The following GNAZ variants were observed in gnomAD, a reference collection of about 807,000 sequenced individuals.
GNAZ encodes the protein G protein subunit alpha z.
GNAZ carries 3 observed loss-of-function variants against 25.4 expected under a neutral mutation model. The ratio of observed to expected loss-of-function variants is 0.12; its 90% CI spans 0.05 to 0.30. The LOEUF (loss-of-function observed/expected upper bound fraction) is 0.30, where lower values mean the gene tolerates loss of function less well. Among genes scored for constraint, GNAZ ranks in the 10% least tolerant of loss-of-function variants. The pLI, the probability that GNAZ is intolerant of heterozygous loss-of-function variation, is 1.00. For synonymous variants in GNAZ, 211 were observed against 205.7 expected (o/e 1.03, Z -0.22); for missense variants, 241 against 501.8 (o/e 0.48, Z 4.97).
chr22:23,089,290 ACT>A (rs1264809190), intron 1 of GNAZ, among the ~76,000 whole-genome samples: 3 of 151,764 alleles, frequency 2.0e-5, no homozygotes, highest in Admixed American at 1.3e-4. Flanking sequence ...GGGGGCACTG[ACT>A]CTGTGCTGTG....
At chr22:23,107,780 G>A (rs1480455824) in intron 2 of GNAZ, among the ~76,000 whole-genome samples, 3 of 152,308 alleles carry the variant, frequency 2.0e-5, no homozygotes, top group South Asian at 2.1e-4. Flanking sequence ...CAGAATACGG[G>A]ATCAGATAGT....
At chr22:23,122,954 G>C (rs952867399) in intron 2 of GNAZ, 133 bp from the exon 3 acceptor site, 7 of 633,706 alleles carry the variant, frequency 1.1e-5, no homozygotes, top group Non-Finnish European at 2.0e-5. Context: ...TTCCCCAGCA[G>C]AAGGAGGTGC....
intron 1 of GNAZ, among the ~76,000 whole-genome samples, chr22:23,081,891 C>T (rs188373651): frequency 0.042 from 6,315 of 150,186 alleles, 483 homozygotes; most frequent in African/African-American, 0.15. Flanking sequence ...TTTGGGGGGC[C>T]GAGGCGGGCG....
At chr22:23,115,383 C>T (rs139110288) in intron 2 of GNAZ, among the ~76,000 whole-genome samples, 84 of 152,286 alleles carry the variant, frequency 5.5e-4, no homozygotes, top group African/African-American at 1.9e-3. Context: ...AGGGAGGTGA[C>T]GGTCCCACCA....
At chr22:23,111,077 G>A (rs760033861) in intron 2 of GNAZ, among the ~76,000 whole-genome samples, 2 of 152,298 alleles carry the variant, frequency 1.3e-5, no homozygotes, top group East Asian at 3.9e-4. Context: ...TTTGCTGGGG[G>A]GCCTGCGCGC....
At chr22:23,104,835 A>C (rs1444813211) in intron 2 of GNAZ, among the ~76,000 whole-genome samples, 1 of 152,202 alleles carries the variant, frequency 6.6e-6, no homozygotes, top group African/African-American at 2.4e-5. Context: ...CTGAGGCCCC[A>C]CTGGCTCAGT....
chr22:23,108,494 G>A (rs2069549649), intron 2 of GNAZ, among the ~76,000 whole-genome samples: 1 of 152,228 alleles, frequency 6.6e-6, no homozygotes, highest in Non-Finnish European at 1.5e-5. Flanking sequence ...GAGACAGCCG[G>A]GAGAGGCCTG....
chr22:23,081,821 C>CAAAAA (rs55713577), intron 1 of GNAZ, among the ~76,000 whole-genome samples: 4 of 46,748 alleles, frequency 8.6e-5, no homozygotes, highest in East Asian at 6.2e-4. Context: ...GATTCCATCT[C>CAAAAA]AAAAAAAAAA....
At chr22:23,074,228 G>A (rs979245648) in intron 1 of GNAZ, among the ~76,000 whole-genome samples, 2 of 152,188 alleles carry the variant, frequency 1.3e-5, no homozygotes, top group African/African-American at 4.8e-5. Flanking sequence ...CTGCTGAGGT[G>A]GGAAAATAGG....
chr22:23,087,337 G>A (rs1013064265), intron 1 of GNAZ, among the ~76,000 whole-genome samples: 22 of 152,140 alleles, frequency 1.4e-4, no homozygotes, highest in Non-Finnish European at 2.1e-4. Flanking sequence ...GTGGTGGCGC[G>A]TGCCTGCAGT....
At chr22:23,108,161 C>T (rs1013554537) in intron 2 of GNAZ, among the ~76,000 whole-genome samples, 6 of 152,246 alleles carry the variant, frequency 3.9e-5, no homozygotes, top group African/African-American at 7.2e-5. Flanking sequence ...AATCCCAACC[C>T]CTGCCCCTGT....
chr22:23,078,076 A>G (rs1173417473), intron 1 of GNAZ, among the ~76,000 whole-genome samples: 3 of 152,140 alleles, frequency 2.0e-5, no homozygotes, highest in Non-Finnish European at 4.4e-5. Flanking sequence ...GGCCCTGTAG[A>G]GTGGCTACCA....
intron 1 of GNAZ, among the ~76,000 whole-genome samples, chr22:23,094,583 C>T (rs1209580495): frequency 1.3e-5 from 2 of 152,224 alleles, no homozygotes; most frequent in African/African-American, 4.8e-5. Context: ...CCCCCCTCTA[C>T]CTCCTTCTGC....
intron 2 of GNAZ, among the ~76,000 whole-genome samples, chr22:23,120,036 G>A (rs1232541226): frequency 1.3e-5 from 2 of 152,194 alleles, no homozygotes; most frequent in Non-Finnish European, 2.9e-5. Context: ...GCCCACACTC[G>A]GGAGATGTTT....
At chr22:23,073,034 T>C (rs891379490) in intron 1 of GNAZ, among the ~76,000 whole-genome samples, 3 of 152,236 alleles carry the variant, frequency 2.0e-5, no homozygotes, top group African/African-American at 4.8e-5. Flanking sequence ...AATTTAGTCA[T>C]CTTGTGTGTG....
chr22:23,107,758 A>T (rs1044303331), intron 2 of GNAZ, among the ~76,000 whole-genome samples: 1 of 152,156 alleles, frequency 6.6e-6, no homozygotes, highest in African/African-American at 2.4e-5. Context: ...TCAAACCCAC[A>T]TTTTCATTCA....
At chr22:23,084,062 G>T (rs535328872) in intron 1 of GNAZ, among the ~76,000 whole-genome samples, 1 of 152,160 alleles carries the variant, frequency 6.6e-6, no homozygotes, top group Non-Finnish European at 1.5e-5. Flanking sequence ...CTATGCAGGC[G>T]ATCTTTCCCC....
chr22:23,073,202 G>A (rs2068422294), intron 1 of GNAZ, among the ~76,000 whole-genome samples: 1 of 152,214 alleles, frequency 6.6e-6, no homozygotes, highest in African/African-American at 2.4e-5. Flanking sequence ...GAGGAGGCAG[G>A]TCAGCATGCT....
At chr22:23,082,510 C>T (rs1428139785) in intron 1 of GNAZ, among the ~76,000 whole-genome samples, 4 of 151,782 alleles carry the variant, frequency 2.6e-5, no homozygotes, top group Non-Finnish European at 4.4e-5. Flanking sequence ...TGAGCCACCG[C>T]GCCCGGCCTC....
Sources: allele counts gnomAD v4.1 joint callset (sites outside exome capture counted in the v4.1 genomes callset), GRCh38; gene constraint gnomAD v4.1.1; transcripts MANE v1.5; gene names NCBI Gene and HGNC (gene_info 2026-07-23, HGNC 2026-07-21).